The following CLEC19A variants were observed in gnomAD, a reference collection of about 807,000 sequenced individuals.
CLEC19A encodes C-type lectin domain family 19 member A.
Under a neutral mutation model 26.1 loss-of-function variants are expected in CLEC19A, and 21 were observed. That is an observed-to-expected ratio of 0.80 (90% confidence interval 0.57 to 1.16). The LOEUF is 1.16. Ranked by LOEUF, CLEC19A falls within the 50% of genes most tolerant of loss-of-function variation. The probability of loss-of-function intolerance (pLI) is 0.00; values close to 1 mark genes in which losing one functional copy is unlikely to be tolerated. For missense variants in CLEC19A, 224 were observed against 227.6 expected (o/e 0.98, Z 0.10); for synonymous variants, 89 against 88.6 (o/e 1.00, Z -0.03).
chr16:19,288,030 G>C (rs1377125350), intron 1 of CLEC19A, among the ~76,000 whole-genome samples: 2 of 152,186 alleles, frequency 1.3e-5, no homozygotes, highest in Non-Finnish European at 2.9e-5. Flanking sequence ...CAGCTACCTG[G>C]GAGAGCTCGC....
chr16:19,309,172 CA>C lies in CLEC19A; in HGVS notation c.*90del. 1 of 941,822 alleles carries C rather than the reference CA, an allele frequency of 1.1e-6. No homozygotes were observed. Among genetic ancestry groups the C allele is most frequent in the South Asian group, 1.5e-5 (1 of 66,170 alleles). The allele number at this position is 941,822 out of a possible 1,614,324, so 58.3% of individuals were successfully genotyped here. ...GAATTGACATTGAATACATGTAAAA[CA>C]TACATAGGAAGTAAATCTCTTGGAC... On this transcript the variant is annotated 3_prime_UTR_variant, in exon 5 of 5. Coordinates refer to ENST00000636231, the MANE Select transcript of CLEC19A (RefSeq NM_001256720.2).
intron 1 of CLEC19A, among the ~76,000 whole-genome samples, chr16:19,291,060 C>T (rs1435591929): frequency 9.2e-5 from 14 of 152,196 alleles, no homozygotes; most frequent in Admixed American, 9.2e-4. Context: ...CCAGGCTGGT[C>T]TCAAACTCCT....
intron 1 of CLEC19A, among the ~76,000 whole-genome samples, chr16:19,297,785 G>A (rs1225349554): frequency 6.6e-6 from 1 of 152,090 alleles, no homozygotes; most frequent in Non-Finnish European, 1.5e-5. Context: ...GCATACAAAT[G>A]TGACATGAGA....
Position 19,304,117 on chromosome 16 carries a change from C to A in CLEC19A, c.310C>A (p.Pro104Thr). ...CGTGAACAGCTGTGTTCCCGGCATC[C>A]CAGCTGACGTCTGGACAGGCCTTCA... ...DLVNSCVPGI[P>T]ADVWTGLHDH... The change falls in exon 3 of 5, where the codon CCA (proline) becomes ACA (threonine). Residue 104 changes from proline (P) to threonine (T), a missense_variant. By Grantham distance (38) the Pro-to-Thr change is conservative. Coordinates refer to ENST00000636231, the MANE Select transcript of CLEC19A (RefSeq NM_001256720.2). The A allele has an allele frequency of 1.3e-6, 2 of 1,550,540 alleles. No individual in the cohort carries two copies. Among genetic ancestry groups the A allele is most frequent in the Non-Finnish European group, 1.7e-6 (2 of 1,146,970 alleles).
rs1597092308 is a variant in CLEC19A at position 19,310,657 on chromosome 16, C to A, written c.*1574C>A. ...GATAGATACTACAACCTGAATGAACCTGAAAAACATTATGCTTCCAGTCAC... is the reference window on the plus strand; with the variant it reads ...GATAGATACTACAACCTGAATGAACATGAAAAACATTATGCTTCCAGTCAC... On this transcript the variant is annotated 3_prime_UTR_variant, in exon 5 of 5. Transcript: ENST00000636231. 1 of 152,066 alleles carries A rather than the reference C, an allele frequency of 6.6e-6. No individual in the cohort carries two copies. Among genetic ancestry groups the A allele is most frequent in the East Asian group, 1.9e-4 (1 of 5,188 alleles). 9.4% of individuals were successfully genotyped at this position (152,066 alleles called of 1,614,324 possible).
intron 1 of CLEC19A, among the ~76,000 whole-genome samples, chr16:19,293,262 T>A (rs1897628304): frequency 6.6e-6 from 1 of 152,126 alleles, no homozygotes; most frequent in Non-Finnish European, 1.5e-5. Flanking sequence ...AACATGCAGG[T>A]AGAGTCAATG....
At position 19,285,794 on chromosome 16, in the gene CLEC19A, C is replaced by T; in HGVS notation, c.-58C>T. On this transcript the variant is annotated 5_prime_UTR_variant, in exon 1 of 5. Coordinates refer to ENST00000636231, the MANE Select transcript of CLEC19A (RefSeq NM_001256720.2). ...GGAGAGCAATCCTGGACCCAAGCTCCAGCCAAAAAGCCTCTCTCCTCCACT... is the reference window on the plus strand; with the variant it reads ...GGAGAGCAATCCTGGACCCAAGCTCTAGCCAAAAAGCCTCTCTCCTCCACT... The T allele has an allele frequency of 6.7e-7, 1 of 1,487,896 alleles. No individual in the cohort carries two copies. Among genetic ancestry groups the T allele is most frequent in the African/African-American group, 1.4e-5 (1 of 71,950 alleles). 92.2% of individuals were successfully genotyped at this position (1,487,896 alleles called of 1,614,324 possible).
chr16:19,301,736 G>GTTTTTTTTTTGTTTT (rs1897829640), intron 2 of CLEC19A, among the ~76,000 whole-genome samples: 2 of 81,498 alleles, frequency 2.5e-5, no homozygotes, highest in Admixed American at 1.5e-4. Flanking sequence ...GGTTTTTTTG[G>GTTTTTTTTTTGTTTT]TTTTTTTTTT....
chr16:19,310,510 T>C lies in CLEC19A; in HGVS notation c.*1427T>C, dbSNP rs1898048515. 6.6e-6 allele frequency: 1 copy of C among 152,124 alleles called. No homozygotes were observed. The highest frequency in any genetic ancestry group is 1.5e-5 in the Non-Finnish European group (1 of 68,024). The allele number at this position is 152,124 out of a possible 1,614,324, so 9.4% of individuals were successfully genotyped here. On this transcript the variant is annotated 3_prime_UTR_variant, in exon 5 of 5. Transcript: ENST00000636231. ...AAAAAATGTGATCACAGCAGCATTA[T>C]TGATAAAAACCACAAAAAAAATGAA... is the stretch of plus-strand genomic sequence containing the variant.
At chr16:19,291,343 G>A (rs981985175) in intron 1 of CLEC19A, among the ~76,000 whole-genome samples, 1 of 152,210 alleles carries the variant, frequency 6.6e-6, no homozygotes, top group Non-Finnish European at 1.5e-5. Context: ...AAGGAAATGG[G>A]CTTAAATGCA....
At chr16:19,297,016 C>T (rs147971008) in intron 1 of CLEC19A, among the ~76,000 whole-genome samples, 96 of 152,296 alleles carry the variant, frequency 6.3e-4, no homozygotes, top group African/African-American at 2.0e-3. Flanking sequence ...ATGGATAAGC[C>T]ATCCAACCTA....
intron 2 of CLEC19A, among the ~76,000 whole-genome samples, chr16:19,302,395 A>G (rs1897852473): frequency 6.6e-6 from 1 of 152,192 alleles, no homozygotes; most frequent in Non-Finnish European, 1.5e-5. Context: ...GAAGAAGCTG[A>G]TGGGAGCAGA....
Position 19,298,691 on chromosome 16 carries a change from TG to T in CLEC19A, c.108del (p.Pro37LeufsTer60). ...CCCCCAGCCCTGCCAGAGCTGCCCC[TG>T]CCTTCCCTGTGCCCCCTGTTCTGGA... The part of the protein sequence containing the change: ...SISPALPELP[L>X]PSLCPLFWME... On this transcript the variant is annotated frameshift_variant, in exon 2 of 5. Coordinates refer to ENST00000636231, the MANE Select transcript of CLEC19A (RefSeq NM_001256720.2). LOFTEE classifies it high-confidence loss of function. The T allele has an allele frequency of 6.4e-7, 1 of 1,551,202 alleles. No homozygotes were observed. The highest frequency in any genetic ancestry group is 2.4e-5 in the East Asian group (1 of 40,914).
intron 2 of CLEC19A, among the ~76,000 whole-genome samples, chr16:19,303,638 G>A (rs1897881663): frequency 1.3e-5 from 2 of 152,196 alleles, no homozygotes; most frequent in South Asian, 4.1e-4. Context: ...AAGACTAGGA[G>A]AGAAGGGGAT....
chr16:19,297,592 A>G (rs1048768891), intron 1 of CLEC19A, among the ~76,000 whole-genome samples: 4 of 152,242 alleles, frequency 2.6e-5, no homozygotes, highest in African/African-American at 9.6e-5. Context: ...ATCTAAAAAT[A>G]AGAGAATGAT....
In CLEC19A at chr16:19,309,361, T is replaced by C. The variant is rs1288017557; in HGVS notation, c.*278T>C. 9.0e-6 allele frequency: 3 copies of C among 334,438 alleles called. No homozygotes were observed. The highest frequency in any genetic ancestry group is 1.7e-5 in the Non-Finnish European group (3 of 180,056). 20.7% of individuals were successfully genotyped at this position (334,438 alleles called of 1,614,324 possible). A position where few individuals can be genotyped will look rare whatever the true frequency, so the allele number is the denominator to read the frequency against. ...GTTCTGATTCAGAGTTGAATCTCAC[T>C]GGCCTGGCTCGGGTCACGTGCCCAT... On this transcript the variant is annotated 3_prime_UTR_variant, in exon 5 of 5. Coordinates refer to ENST00000636231, the MANE Select transcript of CLEC19A (RefSeq NM_001256720.2).
intron 1 of CLEC19A, among the ~76,000 whole-genome samples, chr16:19,297,047 C>T (rs965164388): frequency 9.8e-5 from 15 of 152,310 alleles, no homozygotes; most frequent in African/African-American, 3.1e-4. Flanking sequence ...GGTTCTCAGC[C>T]TGCCTGTCTC....
At chr16:19,290,460 C>T (rs1897560110) in intron 1 of CLEC19A, among the ~76,000 whole-genome samples, 1 of 152,164 alleles carries the variant, frequency 6.6e-6, no homozygotes, top group Non-Finnish European at 1.5e-5. Context: ...CTCCAGACCT[C>T]TGCACACACT....
chr16:19,292,114 T>C (rs1055507144), intron 1 of CLEC19A, among the ~76,000 whole-genome samples: 4 of 152,174 alleles, frequency 2.6e-5, no homozygotes, highest in African/African-American at 9.7e-5. Flanking sequence ...TAATTAATTA[T>C]TAATTCCTCT....
Sources: allele counts gnomAD v4.1 joint callset (sites outside exome capture counted in the v4.1 genomes callset), GRCh38; gene constraint gnomAD v4.1.1; transcripts MANE v1.5; gene names NCBI Gene and HGNC (gene_info 2026-07-23, HGNC 2026-07-21).